MSRB2: variants seen among roughly 807,000 people sequenced by gnomAD.
MSRB2 encodes methionine-R-sulfoxide reductase B2, mitochondrial.
In MSRB2, 17 loss-of-function variants were observed where a neutral mutation model predicts 19.0. The observed-to-expected ratio is 0.89, with a 90% CI of 0.61 to 1.34. MSRB2 has a LOEUF of 1.34. Among genes scored for constraint, MSRB2 ranks in the 40% most tolerant of loss-of-function variants. The probability of loss-of-function intolerance (pLI) is 0.00; values close to 1 mark genes in which losing one functional copy is unlikely to be tolerated. For synonymous variants in MSRB2, 107 were observed against 99.7 expected (o/e 1.07, Z -0.44); for missense variants, 208 against 237.6 (o/e 0.88, Z 0.82).
chr10:23,112,522 T>A (rs1840067869), intron 3 of MSRB2, among the ~76,000 whole-genome samples: 1 of 152,218 alleles, frequency 6.6e-6, no homozygotes, highest in Non-Finnish European at 1.5e-5. Context: ...TGGAAAAGCA[T>A]AGAGCAATGC....
chr10:23,119,520 T>C (rs866845739), intron 4 of MSRB2, 69 bp downstream of exon 4: 2 of 1,550,262 alleles, frequency 1.3e-6, no homozygotes, highest in Non-Finnish European at 1.7e-6. Context: ...TCTCTTGTTC[T>C]TGGCAAATCT....
chr10:23,116,893 C>T (rs1368450722), intron 3 of MSRB2, among the ~76,000 whole-genome samples: 1 of 152,138 alleles, frequency 6.6e-6, no homozygotes, highest in African/African-American at 2.4e-5. Context: ...TATATTATTG[C>T]CACAAAGAGG....
intron 4 of MSRB2, among the ~76,000 whole-genome samples, chr10:23,120,439 C>T (rs1276900517): frequency 1.3e-5 from 2 of 152,184 alleles, no homozygotes; most frequent in Non-Finnish European, 2.9e-5. Flanking sequence ...TATGTTAATG[C>T]TTTACATGTA....
Position 23,116,628 on chromosome 10 carries a change from G to A in MSRB2, c.297-2676G>A, listed in dbSNP as rs531396148. Among the ~76,000 whole-genome samples the A allele has an allele frequency of 7.2e-5, 11 of 152,302 alleles. No homozygotes were observed. In the East Asian group the frequency reaches 1.7e-3, roughly 24 times the overall value. On this transcript the variant is annotated intron_variant, in intron 3 of 4. Transcript: ENST00000376510. ...AACCACTTCATGGTCTTTTAATCAGGAGAAAGTTACTAAAATCAGTCTCTT... is the reference window on the plus strand; with the variant it reads ...AACCACTTCATGGTCTTTTAATCAGAAGAAAGTTACTAAAATCAGTCTCTT...
At chr10:23,111,571 G>C (rs898088169) in intron 3 of MSRB2, among the ~76,000 whole-genome samples, 5 of 152,162 alleles carry the variant, frequency 3.3e-5, no homozygotes, top group South Asian at 2.1e-4. Context: ...CTGAAAAAGG[G>C]GGGGACTTCT....
chr10:23,099,272 C>T (rs944121702), intron 1 of MSRB2, among the ~76,000 whole-genome samples: 1 of 152,180 alleles, frequency 6.6e-6, no homozygotes, highest in Non-Finnish European at 1.5e-5. Context: ...CCCAACTGAG[C>T]GTTCATCATT....
intron 4 of MSRB2, 86 bp downstream of exon 4, chr10:23,119,537 C>T (rs1484410840): frequency 2.0e-6 from 3 of 1,469,842 alleles, no homozygotes; most frequent in East Asian, 4.6e-5. Context: ...ATCTGGTGTC[C>T]TTTTATAGGG....
chr10:23,102,205 G>A (rs1839932911), intron 1 of MSRB2, among the ~76,000 whole-genome samples: 1 of 152,012 alleles, frequency 6.6e-6, no homozygotes, highest in South Asian at 2.1e-4. Context: ...TATTTCTCTT[G>A]CTAAACCATT....
intron 1 of MSRB2, among the ~76,000 whole-genome samples, chr10:23,102,136 C>A (rs1839932027): frequency 6.6e-6 from 1 of 152,118 alleles, no homozygotes; most frequent in Non-Finnish European, 1.5e-5. Context: ...CATCTCTCTC[C>A]CCAACACTGA....
At chr10:23,114,048 T>TATCA (rs1275863554) in intron 3 of MSRB2, among the ~76,000 whole-genome samples, 1 of 152,148 alleles carries the variant, frequency 6.6e-6, no homozygotes, top group Non-Finnish European at 1.5e-5. Flanking sequence ...ATGTTGGGAC[T>TATCA]ATCAGAAGCT....
In MSRB2 at chr10:23,119,236, C is replaced by T. The variant is rs1305454534; in HGVS notation, c.297-68C>T. On this transcript the variant is annotated intron_variant, in intron 3 of 4. Transcript: ENST00000376510. ...GATCCTGCTGCCTGGAACAACACATCGGGGCACCTCTTGGCATGTTAATGA... is the reference window on the plus strand; with the variant it reads ...GATCCTGCTGCCTGGAACAACACATTGGGGCACCTCTTGGCATGTTAATGA... The T allele has an allele frequency of 2.5e-6, 4 of 1,573,042 alleles. No homozygotes were observed. In the Admixed American group the frequency reaches 5.0e-5, roughly 20 times the overall value.
chr10:23,115,857 TA>T (rs1840104748), intron 3 of MSRB2, among the ~76,000 whole-genome samples: 1 of 152,172 alleles, frequency 6.6e-6, no homozygotes, highest in Non-Finnish European at 1.5e-5. Context: ...TTCATTTATT[TA>T]AAAAATTTTA....
chr10:23,107,633 C>T (rs1471754325), intron 2 of MSRB2, among the ~76,000 whole-genome samples: 3 of 152,222 alleles, frequency 2.0e-5, no homozygotes, highest in African/African-American at 7.2e-5. Flanking sequence ...GCTACCCGAA[C>T]TCCATGCCAT....
chr10:23,096,825 A>G (rs1839874874), intron 1 of MSRB2, among the ~76,000 whole-genome samples: 1 of 152,208 alleles, frequency 6.6e-6, no homozygotes, highest in African/African-American at 2.4e-5. Context: ...TGAGAACCAC[A>G]GGTGATAGAA....
At chr10:23,096,373 T>TGTGTGTGTGTGTGTGTGTG (rs3838757) in intron 1 of MSRB2, among the ~76,000 whole-genome samples, 13 of 151,708 alleles carry the variant, frequency 8.6e-5, no homozygotes, top group Middle Eastern at 3.4e-3. Context: ...TGTGTGTGTG[T>TGTGTGTGTGTGTGTGTGTG]TTCTGCTAAA....
intron 3 of MSRB2, among the ~76,000 whole-genome samples, chr10:23,112,658 G>A (rs1343239300): frequency 6.6e-6 from 1 of 152,144 alleles, no homozygotes; most frequent in East Asian, 1.9e-4. Context: ...GCGCGATCTC[G>A]GCTCACTGCA....
rs1020407253 is a variant in MSRB2, at chr10:23,095,601, C to T, written c.-8C>T. The T allele has an allele frequency of 2.7e-6, 4 of 1,474,012 alleles. No individual in the cohort carries two copies. Among genetic ancestry groups the T allele is most frequent in the African/African-American group, 1.5e-5 (1 of 67,852 alleles). The allele number at this position is 1,474,012 out of a possible 1,614,324, so 91.3% of individuals were successfully genotyped here. On this transcript the variant is annotated 5_prime_UTR_variant, in exon 1 of 5. Transcript: ENST00000376510. ...GGCAGAGGGCGGAGCGGCGCCGGAG[C>T]GGGCGTCATGGCGCGGCTCCTCTGG... is the stretch of plus-strand genomic sequence containing the variant.
intron 1 of MSRB2, among the ~76,000 whole-genome samples, chr10:23,099,227 G>A (rs1419716723): frequency 6.6e-6 from 1 of 152,192 alleles, no homozygotes; most frequent in Non-Finnish European, 1.5e-5. Context: ...ACCTCTTAAA[G>A]TGATACAGCC....
In MSRB2 at chr10:23,118,425, A is replaced by G. The variant is rs543720305; in HGVS notation, c.297-879A>G. Among the ~76,000 whole-genome samples the G allele has an allele frequency of 3.3e-3, 479 of 145,310 alleles. 3 individuals carry two copies. Among genetic ancestry groups the G allele is most frequent in the African/African-American group, 0.012 (457 of 38,692 alleles). ...AGAGAGCCATTTCCTTGCCACAGCA[A>G]TTTTTGAAGTCTATTTTCCCAGTGC... On this transcript the variant is annotated intron_variant, in intron 3 of 4. Coordinates refer to ENST00000376510, the MANE Select transcript of MSRB2 (RefSeq NM_012228.4).
Sources: allele counts gnomAD v4.1 joint callset (sites outside exome capture counted in the v4.1 genomes callset), GRCh38; gene constraint gnomAD v4.1.1; transcripts MANE v1.5; gene names NCBI Gene and HGNC (gene_info 2026-07-23, HGNC 2026-07-21).